Variants in PTPRA observed in about 807,000 individuals in gnomAD.
PTPRA encodes the protein protein tyrosine phosphatase receptor type A, also known as receptor-type tyrosine-protein phosphatase alpha.
Under a neutral mutation model 104.8 loss-of-function variants are expected in PTPRA, and 25 were observed. The observed-to-expected ratio is 0.24, with a 90% CI of 0.17 to 0.33. PTPRA has a LOEUF of 0.33. Among genes scored for constraint, PTPRA ranks in the 10% least tolerant of loss-of-function variants. PTPRA has a pLI of 1.00. For missense variants in PTPRA, 765 were observed against 1,015.3 expected, an observed-to-expected ratio of 0.75 and a Z score of 3.35; for synonymous variants, 323 against 368.9, an observed-to-expected ratio of 0.88 and a Z score of 1.43.
In PTPRA at chr20:2,988,015, G is replaced by A; in HGVS notation, c.528-17G>A. On this transcript the variant is annotated splice_polypyrimidine_tract_variant and intron_variant, in intron 7 of 23. Transcript: ENST00000399903. ...ACCTCTGTGCTCCATTCTTCACTGT[G>A]ATCATTTTCTCATTAGGTTTAAGAA... 6.5e-7 allele frequency: 1 copy of A among 1,538,642 alleles called. No homozygotes were observed. The highest frequency in any genetic ancestry group is 9.0e-7 in the Non-Finnish European group (1 of 1,111,340).
At chr20:2,876,959 A>G (rs1447633752) in intron 1 of PTPRA, among the ~76,000 whole-genome samples, 1 of 152,220 alleles carries the variant, frequency 6.6e-6, no homozygotes, top group African/African-American at 2.4e-5. Context: ...GTTGAGGCTC[A>G]GAAGGATAAA....
chr20:2,994,150 C>G (rs1028029544), intron 9 of PTPRA, among the ~76,000 whole-genome samples: 1 of 152,158 alleles, frequency 6.6e-6, no homozygotes, highest in Non-Finnish European at 1.5e-5. Flanking sequence ...AGTACAGTTG[C>G]CATGGCAAAT....
At chr20:2,888,566 A>AT (rs1165422524) in intron 1 of PTPRA, among the ~76,000 whole-genome samples, 1 of 151,612 alleles carries the variant, frequency 6.6e-6, no homozygotes, top group Non-Finnish European at 1.5e-5. Flanking sequence ...AAGAAAAAGC[A>AT]TTTAAAAAAA....
chr20:3,024,393 A>AGT lies in PTPRA; in HGVS notation c.1465-77_1465-76dup, dbSNP rs2065034110. On this transcript the variant is annotated intron_variant, in intron 16 of 23. Coordinates refer to ENST00000399903, the MANE Select transcript of PTPRA (RefSeq NM_001385305.1). The stretch of plus-strand genomic sequence containing the variant: ...TCAAAGGAGAAATGGACTGGAGTGA[A>AGT]GTGGGGGTGGGAACAGGTGATCTGG... The AGT allele has an allele frequency of 2.9e-6, 4 of 1,395,114 alleles. No homozygotes were observed. The East Asian group carries it at 9.2e-5, about 32-fold the overall frequency. 86.4% of individuals were successfully genotyped at this position (1,395,114 alleles called of 1,614,324 possible). A position where few individuals can be genotyped will look rare whatever the true frequency, so the allele number is the denominator to read the frequency against.
intron 2 of PTPRA, among the ~76,000 whole-genome samples, chr20:2,924,207 G>A (rs35676594): frequency 6.6e-6 from 1 of 152,018 alleles, no homozygotes; most frequent in Non-Finnish European, 1.5e-5. Flanking sequence ...CAGTTGACCA[G>A]CCTGGTCAAC....
At chr20:2,914,648 TTTCCTTTCCTTA>T (rs1376590174) in intron 1 of PTPRA, among the ~76,000 whole-genome samples, 1 of 152,294 alleles carries the variant, frequency 6.6e-6, no homozygotes, top group Admixed American at 6.5e-5. Context: ...GTGCCCAGTC[TTTCCTTTCCTTA>T]TCAGATCATG....
chr20:2,949,059 A>T (rs2061261211), intron 3 of PTPRA, among the ~76,000 whole-genome samples: 1 of 152,070 alleles, frequency 6.6e-6, no homozygotes, highest in African/African-American at 2.4e-5. Context: ...AAGATGTCAG[A>T]TTTCAGTTCT....
intron 2 of PTPRA, among the ~76,000 whole-genome samples, chr20:2,933,467 G>GTT (rs2060578584): frequency 2.0e-5 from 3 of 150,742 alleles, no homozygotes; most frequent in African/African-American, 7.3e-5. Flanking sequence ...TGGTTGGTTG[G>GTT]GTTTTTTTTT....
chr20:3,004,145 G>A (rs2063753611), intron 9 of PTPRA, among the ~76,000 whole-genome samples: 1 of 152,228 alleles, frequency 6.6e-6, no homozygotes, highest in Non-Finnish European at 1.5e-5. Flanking sequence ...AGCCTCCTGA[G>A]TAGCTGGGGT....
chr20:2,968,217 G>C (rs1372904053), intron 5 of PTPRA, among the ~76,000 whole-genome samples: 2 of 152,196 alleles, frequency 1.3e-5, no homozygotes, highest in Non-Finnish European at 2.9e-5. Context: ...GCTGTGCATA[G>C]AATTTGAGGA....
At chr20:2,896,378 CA>C (rs2059000743) in intron 1 of PTPRA, among the ~76,000 whole-genome samples, 1 of 149,608 alleles carries the variant, frequency 6.7e-6, no homozygotes, top group South Asian at 2.2e-4. Context: ...GACTCCGTCT[CA>C]AAAACAAAAA....
At chr20:2,892,674 A>G (rs1045361078) in intron 1 of PTPRA, among the ~76,000 whole-genome samples, 7 of 152,236 alleles carry the variant, frequency 4.6e-5, no homozygotes, top group East Asian at 1.9e-4. Flanking sequence ...TAGGCTAACT[A>G]TGGCATTCGG....
intron 13 of PTPRA, 104 bp downstream of exon 13, chr20:3,018,017 C>A: frequency 1.0e-6 from 1 of 961,762 alleles, no homozygotes. Context: ...ACCAGTAGTT[C>A]ATCCAGAAAG....
chr20:3,020,866 AAAGC>A (rs1192626283), intron 13 of PTPRA, among the ~76,000 whole-genome samples: 1 of 152,212 alleles, frequency 6.6e-6, no homozygotes, highest in African/African-American at 2.4e-5. Context: ...GGCAACAGAA[AAAGC>A]TCTAGGCCTC....
chr20:2,925,205 C>G (rs1409198769), intron 2 of PTPRA, among the ~76,000 whole-genome samples: 1 of 152,302 alleles, frequency 6.6e-6, no homozygotes, highest in Admixed American at 6.5e-5. Context: ...CCTCCTCCCC[C>G]AGCTGCTGGC....
At chr20:3,015,712 AATATCTAGACTG>A in intron 11 of PTPRA, 125 bp from the exon 12 acceptor site, 1 of 672,796 alleles carries the variant, frequency 1.5e-6, no homozygotes. Flanking sequence ...ATCCCTTGTG[AATATCTAGACTG>A]GAAATCCCCG....
chr20:3,011,681 G>C (rs1385419390), intron 11 of PTPRA, among the ~76,000 whole-genome samples: 1 of 152,204 alleles, frequency 6.6e-6, no homozygotes, highest in African/African-American at 2.4e-5. Context: ...TTGAAAGGTA[G>C]TGGATGTCAA....
At chr20:2,977,994 G>A (rs1374558139) in intron 6 of PTPRA, among the ~76,000 whole-genome samples, 2 of 151,992 alleles carry the variant, frequency 1.3e-5, no homozygotes, top group Admixed American at 1.3e-4. Context: ...AATAGCAAAT[G>A]GGGAAAATGA....
intron 19 of PTPRA, 61 bp downstream of exon 19, chr20:3,027,258 C>A: frequency 6.7e-7 from 1 of 1,494,176 alleles, no homozygotes; most frequent in Non-Finnish European, 9.3e-7. Flanking sequence ...CCAGCACTTG[C>A]AGTGCCTCCC....
Sources: allele counts gnomAD v4.1 joint callset (sites outside exome capture counted in the v4.1 genomes callset), GRCh38; gene constraint gnomAD v4.1.1; transcripts MANE v1.5; gene names NCBI Gene and HGNC (gene_info 2026-07-23, HGNC 2026-07-21).